CORO2B: variants seen among roughly 807,000 people sequenced by gnomAD.
CORO2B encodes coronin-2B.
A neutral mutation model predicts 58.8 loss-of-function variants in CORO2B; 26 were observed. That is an observed-to-expected ratio of 0.44 (90% CI 0.32 to 0.61). The LOEUF (loss-of-function observed/expected upper bound fraction) is 0.61, where lower values mean the gene tolerates loss of function less well. Ranked by LOEUF, CORO2B falls within the 20% of genes least tolerant of loss-of-function variation. The pLI, the probability that CORO2B is intolerant of heterozygous loss-of-function variation, is 0.04. For missense variants in CORO2B, 460 were observed against 645.1 expected, an observed-to-expected ratio of 0.71 and a Z score of 3.11; for synonymous variants, 242 against 253.8, an observed-to-expected ratio of 0.95 and a Z score of 0.44.
chr15:68,669,292 G>A (rs1430945295), intron 2 of CORO2B, among the ~76,000 whole-genome samples: 1 of 152,216 alleles, frequency 6.6e-6, no homozygotes, highest in East Asian at 1.9e-4. Flanking sequence ...TGAGGTGAAG[G>A]CGACTTGGAG....
the CORO2B span, among the ~76,000 whole-genome samples, chr15:68,551,127 G>A: frequency 6.6e-6 from 1 of 152,084 alleles, no homozygotes; most frequent in Non-Finnish European, 1.5e-5. Flanking sequence ...GGAGGTCCTC[G>A]CTCAGCCTTT....
At chr15:68,631,858 A>T in intron 1 of CORO2B, 1 of 748,100 alleles carries the variant, frequency 1.3e-6, no homozygotes, top group South Asian at 6.0e-5. Flanking sequence ...GCCCCTCCTG[A>T]GCTGCCAGGA....
At chr15:68,714,705 A>G in intron 7 of CORO2B, 42 bp downstream of exon 7, 1 of 1,476,598 alleles carries the variant, frequency 6.8e-7, no homozygotes, top group Non-Finnish European at 9.5e-7. Context: ...CCTGTGGGAG[A>G]GCCCTACCCT....
rs76170781 is a variant in CORO2B at position 68,687,209 on chromosome 15, G to A, written c.217-7931G>A. ...TCTGGGAAGCCCAGAGAGGCCAGGG[G>A]TTATGTTCAAGGTCACTGGGCCAGT... On this transcript the variant is annotated intron_variant, in intron 2 of 11. Transcript: ENST00000261861. 8.4e-3 allele frequency among the ~76,000 whole-genome samples: 1,280 copies of A among 152,316 alleles called. 19 individuals carry two copies. Among genetic ancestry groups the A allele is most frequent in the African/African-American group, 0.029 (1,220 of 41,550 alleles).
intron 11 of CORO2B, among the ~76,000 whole-genome samples, chr15:68,725,261 C>T (rs773397104): frequency 3.9e-5 from 6 of 151,918 alleles, no homozygotes; most frequent in African/African-American, 4.8e-5. Flanking sequence ...CCCAGCTACT[C>T]GGGAGGCTGA....
At chr15:68,595,641 A>G (rs374867483) in intron 1 of CORO2B, among the ~76,000 whole-genome samples, 3 of 152,188 alleles carry the variant, frequency 2.0e-5, no homozygotes, top group African/African-American at 7.2e-5. Context: ...GGTAAAGTTA[A>G]TAACAGTTAT....
At chr15:68,721,093 G>A (rs927881749) in intron 11 of CORO2B, among the ~76,000 whole-genome samples, 1 of 151,926 alleles carries the variant, frequency 6.6e-6, no homozygotes, top group Non-Finnish European at 1.5e-5. Flanking sequence ...TGTTTGCCAG[G>A]CTGGTCTTGA....
At chr15:68,698,334 C>A (rs888025960) in intron 3 of CORO2B, among the ~76,000 whole-genome samples, 4 of 152,188 alleles carry the variant, frequency 2.6e-5, no homozygotes, top group African/African-American at 9.7e-5. Flanking sequence ...TAGACCAGGG[C>A]TCCTGGAATC....
At chr15:68,623,989 G>A (rs1900603871) in intron 1 of CORO2B, among the ~76,000 whole-genome samples, 1 of 152,100 alleles carries the variant, frequency 6.6e-6, no homozygotes, top group Non-Finnish European at 1.5e-5. Flanking sequence ...CAACAAGAAG[G>A]AGGATTTTCA....
intron 1 of CORO2B, among the ~76,000 whole-genome samples, chr15:68,589,537 A>G (rs1374591306): frequency 6.6e-6 from 1 of 152,244 alleles, no homozygotes; most frequent in Non-Finnish European, 1.5e-5. Flanking sequence ...CATTTTGCAG[A>G]GGAGAAAACT....
the CORO2B span, among the ~76,000 whole-genome samples, chr15:68,560,963 C>T: frequency 6.6e-6 from 1 of 152,160 alleles, no homozygotes; most frequent in Non-Finnish European, 1.5e-5. Flanking sequence ...TTTTCCCTAG[C>T]GCCTCCAGGG....
intron 2 of CORO2B, among the ~76,000 whole-genome samples, chr15:68,663,520 A>G (rs992420744): frequency 5.3e-5 from 8 of 152,222 alleles, no homozygotes; most frequent in Non-Finnish European, 1.2e-4. Context: ...CTGACATTGT[A>G]GTAGGAAGTT....
the CORO2B span, among the ~76,000 whole-genome samples, chr15:68,557,038 G>A: frequency 6.6e-6 from 1 of 152,210 alleles, no homozygotes; most frequent in Non-Finnish European, 1.5e-5. Flanking sequence ...AAAGTCAAAA[G>A]GTAGAGATGG....
intron 1 of CORO2B, among the ~76,000 whole-genome samples, chr15:68,608,502 G>T (rs2140243989): frequency 6.6e-6 from 1 of 152,342 alleles, no homozygotes; most frequent in Middle Eastern, 3.4e-3. Flanking sequence ...CCACTTCCTG[G>T]TATTGCTCTG....
At chr15:68,716,200 A>G (rs1037417354) in intron 8 of CORO2B, among the ~76,000 whole-genome samples, 6 of 152,108 alleles carry the variant, frequency 3.9e-5, no homozygotes, top group African/African-American at 1.4e-4. Context: ...CACCTCCTTC[A>G]CTGTCACTCC....
At chr15:68,589,614 C>A (rs1238673874) in intron 1 of CORO2B, among the ~76,000 whole-genome samples, 1 of 152,194 alleles carries the variant, frequency 6.6e-6, no homozygotes, top group Non-Finnish European at 1.5e-5. Flanking sequence ...TGGGGCTCCC[C>A]CAAGTTACTG....
At chr15:68,563,517 A>G in the CORO2B span, among the ~76,000 whole-genome samples, 24,504 of 151,518 alleles carry the variant, frequency 0.16, 2,445 homozygotes, top group Middle Eastern at 0.24. Context: ...AAAGAAAAAG[A>G]AAAAAAGAAG....
At chr15:68,536,382 G>A in the CORO2B span, among the ~76,000 whole-genome samples, 1 of 152,324 alleles carries the variant, frequency 6.6e-6, no homozygotes, top group East Asian at 1.9e-4. Flanking sequence ...TGGCTTGTAG[G>A]AATCTTATGT....
At position 68,710,769 on chromosome 15, in the gene CORO2B, G is replaced by A. The variant is rs755169184; in HGVS notation, c.371G>A (p.Arg124Gln). The stretch of plus-strand genomic sequence containing the variant: ...GAGATCCCCGAGGGCGGGCTGAAGC[G>A]GAACATGACGGAGGCGCTCCTGGAG... ...IWEIPEGGLK[R>Q]NMTEALLELH... is the part of the protein sequence containing the mutation. Residue 124 changes from arginine to glutamine, a missense_variant, in exon 4 of 12, where the codon CGG becomes CAG. By Grantham distance (43) the Arg-to-Gln change is conservative (BLOSUM62 1). Transcript: ENST00000261861. This position sits in a 1 kb window ranked among gnomAD's most constrained non-coding sequence, Gnocchi z 4.1. 26 of 1,611,342 alleles carry A rather than the reference G, an allele frequency of 1.6e-5. No individual in the cohort carries two copies. Among genetic ancestry groups the A allele is most frequent in the African/African-American group, 6.7e-5 (5 of 74,902 alleles).
Sources: gnomAD v4.1 joint callset for allele counts (sites outside exome capture counted in the v4.1 genomes callset) on GRCh38, gnomAD v4.1.1 for gene constraint, Gnocchi (gnomAD v3.1) non-coding constraint, MANE v1.5 for transcripts, NCBI Gene and HGNC (gene_info 2026-07-23, HGNC 2026-07-21) for gene names.